The following RAB3B variants were observed in gnomAD, a reference collection of about 807,000 sequenced individuals.
RAB3B encodes the protein RAB3B, member RAS oncogene family, also known as ras-related protein Rab-3B.
A neutral mutation model predicts 20.5 loss-of-function variants in RAB3B; 11 were observed. That is an observed-to-expected ratio of 0.54 (90% CI 0.34 to 0.89). The LOEUF (loss-of-function observed/expected upper bound fraction) is 0.89, where lower values mean the gene tolerates loss of function less well. Among genes scored for constraint, RAB3B ranks in the 40% least tolerant of loss-of-function variants. The probability of loss-of-function intolerance (pLI) is 0.02; values close to 1 mark genes in which losing one functional copy is unlikely to be tolerated. For missense variants in RAB3B, 225 were observed against 280.9 expected, an observed-to-expected ratio of 0.80 and a Z score of 1.42; for synonymous variants, 99 against 106.3, an observed-to-expected ratio of 0.93 and a Z score of 0.42.
chr1:51,940,494 A>T (rs12402872), intron 2 of RAB3B, among the ~76,000 whole-genome samples: 7,183 of 152,078 alleles, frequency 0.047, 198 homozygotes, highest in Middle Eastern at 0.075. Context: ...GTAGTGGTGT[A>T]CACCTGTAAT....
chr1:51,939,589 TTTTTG>T (rs1429083077), intron 2 of RAB3B, among the ~76,000 whole-genome samples: 1 of 151,710 alleles, frequency 6.6e-6, no homozygotes. Flanking sequence ...TACCCAGCTT[TTTTTG>T]TTTTGAGACA....
intron 1 of RAB3B, chr1:51,980,754 C>T (rs1388379620): frequency 1.3e-6 from 1 of 754,770 alleles, no homozygotes; most frequent in Admixed American, 1.7e-5. Flanking sequence ...CCCGCAAGGA[C>T]CAAACACCCC....
chr1:51,962,633 G>C (rs1324708985), intron 2 of RAB3B, among the ~76,000 whole-genome samples: 1 of 152,176 alleles, frequency 6.6e-6, no homozygotes, highest in East Asian at 1.9e-4. Flanking sequence ...ATATAGCTCA[G>C]TACATCATCA....
chr1:51,937,265 A>AAATG (rs1168825197), intron 3 of RAB3B, 29 bp downstream of exon 3: 2 of 1,517,990 alleles, frequency 1.3e-6, no homozygotes, highest in South Asian at 1.1e-5. Context: ...ACAGTTTGTT[A>AAATG]AATGAATGAA....
Position 51,915,955 on chromosome 1 carries a change from G to C in RAB3B, c.*3972C>G, listed in dbSNP as rs1486932746. The C allele has an allele frequency of 1.3e-5, 2 of 152,246 alleles. No homozygotes were observed. The highest frequency in any genetic ancestry group is 2.4e-5 in the African/African-American group (1 of 41,448). The allele number at this position is 152,246 out of a possible 1,614,324, so 9.4% of individuals were successfully genotyped here. A position where few individuals can be genotyped will look rare whatever the true frequency, so the allele number is the denominator to read the frequency against. ...GATCTGCCCACCTCGGCCTCCCAAA[G>C]TGCTGGGATTACAGGCATGAGCTGC... is the stretch of plus-strand genomic sequence containing the variant. On this transcript the variant is annotated 3_prime_UTR_variant, in exon 5 of 5. Coordinates refer to ENST00000371655, the MANE Select transcript of RAB3B (RefSeq NM_002867.4).
rs1684091488 is a variant in RAB3B at position 51,916,755 on chromosome 1, C to T, written c.*3172G>A. 1 of 152,158 alleles carries T rather than the reference C, an allele frequency of 6.6e-6. No homozygotes were observed. The highest frequency in any genetic ancestry group is 1.5e-5 in the Non-Finnish European group (1 of 68,026). 9.4% of individuals were successfully genotyped at this position (152,158 alleles called of 1,614,324 possible). On this transcript the variant is annotated 3_prime_UTR_variant, in exon 5 of 5. Transcript: ENST00000371655. ...AGCACTGGGCATTTTCTACCCAGGCCCATGGGATCTGTTGCCTCAGAGACT... is the reference window on the plus strand; with the variant it reads ...AGCACTGGGCATTTTCTACCCAGGCTCATGGGATCTGTTGCCTCAGAGACT...
In RAB3B at chr1:51,920,003, G is replaced by C. The variant is rs749171582; in HGVS notation, c.584C>G (p.Pro195Arg). Residue 195 changes from proline to arginine, a missense_variant, in exon 5 of 5, where the codon CCG becomes CGG. Pro to Arg is a moderately radical substitution (Grantham distance 103). Transcript: ENST00000371655. ...DKMSDSLDTD[P>R]SMLGSSKNTR... The stretch of plus-strand genomic sequence containing the variant: ...GTTCTTGGAGGAGCCCAGCATCGAC[G>C]GGTCTGTGTCCAGCGAATCAGACAT... 4 of 1,614,054 alleles carry C rather than the reference G, an allele frequency of 2.5e-6. No individual in the cohort carries two copies. The highest frequency in any genetic ancestry group is 3.3e-5 in the Admixed American group (2 of 59,998).
At position 51,950,474 on chromosome 1, in the gene RAB3B, A is replaced by G. The variant is rs77509909; in HGVS notation, c.229-13062T>C. 5.3e-5 allele frequency among the ~76,000 whole-genome samples: 8 copies of G among 152,358 alleles called. No individual in the cohort carries two copies. In the East Asian group the frequency reaches 1.3e-3, roughly 26 times the overall value. Reference sequence around the variant, plus strand: ...CTAGGAACTTAAAAGAATGCTAGCAAAAGAAACTCAAGGGCTGACTGTGCT... The same window carrying G: ...CTAGGAACTTAAAAGAATGCTAGCAGAAGAAACTCAAGGGCTGACTGTGCT... On this transcript the variant is annotated intron_variant, in intron 2 of 4. Transcript: ENST00000371655.
chr1:51,976,151 A>AATTT (rs113552260), intron 2 of RAB3B, among the ~76,000 whole-genome samples: 7,601 of 150,536 alleles, frequency 0.05, 517 homozygotes, highest in African/African-American at 0.15. Context: ...TGACACTACC[A>AATTT]ATTTATTTAT....
At chr1:51,952,601 G>A (rs1684655535) in intron 2 of RAB3B, among the ~76,000 whole-genome samples, 1 of 152,030 alleles carries the variant, frequency 6.6e-6, no homozygotes. Flanking sequence ...TGTACCCTCA[G>A]TGTCTAATGC....
At chr1:51,971,361 C>A (rs1398848096) in intron 2 of RAB3B, among the ~76,000 whole-genome samples, 2 of 152,060 alleles carry the variant, frequency 1.3e-5, no homozygotes, top group Non-Finnish European at 2.9e-5. Context: ...GTTCCAAGAC[C>A]CTCAGTGGAT....
chr1:51,984,263 T>TAAAAA (rs1166997647), intron 1 of RAB3B, among the ~76,000 whole-genome samples: 9 of 20,676 alleles, frequency 4.4e-4, no homozygotes, highest in Admixed American at 1.1e-3. Context: ...ACTCTCTAAT[T>TAAAAA]AAAAAAAAAA....
intron 1 of RAB3B, among the ~76,000 whole-genome samples, chr1:51,977,518 G>A (rs891611686): frequency 6.6e-6 from 1 of 152,178 alleles, no homozygotes; most frequent in African/African-American, 2.4e-5. Context: ...GGAAGTCCAT[G>A]AGAAGCATCT....
rs1249306380 is a variant in RAB3B at position 51,914,964 on chromosome 1, A to G, written c.*4963T>C. On this transcript the variant is annotated 3_prime_UTR_variant, in exon 5 of 5. Coordinates refer to ENST00000371655, the MANE Select transcript of RAB3B (RefSeq NM_002867.4). The stretch of plus-strand genomic sequence containing the variant: ...CTGTGGATGTTATAAGGCTTCGGTC[A>G]CCAAGCAATTGTGGCTATTTAATTA... 4 of 152,226 alleles carry G rather than the reference A, an allele frequency of 2.6e-5. No individual in the cohort carries two copies. The highest frequency in any genetic ancestry group is 5.9e-5 in the Non-Finnish European group (4 of 68,050). The allele number at this position is 152,226 out of a possible 1,614,324, so 9.4% of individuals were successfully genotyped here.
chr1:51,987,730 T>C (rs1378025429), intron 1 of RAB3B, among the ~76,000 whole-genome samples: 3 of 152,208 alleles, frequency 2.0e-5, no homozygotes, highest in Non-Finnish European at 2.9e-5. Flanking sequence ...TTTCTTGGTA[T>C]AGGCAAGGGA....
At chr1:51,933,255 T>C in intron 4 of RAB3B, 63 bp downstream of exon 4, 1 of 1,534,500 alleles carries the variant, frequency 6.5e-7, no homozygotes, top group Non-Finnish European at 8.8e-7. Flanking sequence ...GTACCCTGTT[T>C]ACCCCACTCT....
chr1:51,925,197 C>T (rs561375295), intron 4 of RAB3B, among the ~76,000 whole-genome samples: 2 of 152,352 alleles, frequency 1.3e-5, no homozygotes, highest in South Asian at 4.1e-4. Context: ...CAGATCCCTT[C>T]TCCATCCTGC....
At chr1:51,959,844 A>G (rs1684762735) in intron 2 of RAB3B, among the ~76,000 whole-genome samples, 1 of 152,264 alleles carries the variant, frequency 6.6e-6, no homozygotes, top group Non-Finnish European at 1.5e-5. Context: ...GGAACTCTCC[A>G]TACTATCTTT....
At chr1:51,965,799 GT>G in intron 2 of RAB3B, among the ~76,000 whole-genome samples, 1 of 152,140 alleles carries the variant, frequency 6.6e-6, no homozygotes, top group Non-Finnish European at 1.5e-5. Context: ...AAAGACGGTA[GT>G]TTAATCGTAT....
Sources: gnomAD v4.1 joint callset for allele counts (sites outside exome capture counted in the v4.1 genomes callset) on GRCh38, gnomAD v4.1.1 for gene constraint, MANE v1.5 for transcripts, NCBI Gene and HGNC (gene_info 2026-07-23, HGNC 2026-07-21) for gene names.